The following CALB2 variants were observed in gnomAD, a reference collection of about 807,000 sequenced individuals.
The protein encoded by CALB2 is calbindin 2.
A neutral mutation model predicts 45.9 loss-of-function variants in CALB2; 34 were observed. The ratio of observed to expected loss-of-function variants is 0.74; its 90% confidence interval spans 0.56 to 0.99. The LOEUF is 0.99. Among genes scored for constraint, CALB2 ranks in the 50% least tolerant of loss-of-function variants. The pLI is 0.00. For missense variants in CALB2, 344 were observed against 339.3 expected (o/e 1.01, Z -0.11); for synonymous variants, 142 against 129.6 (o/e 1.10, Z -0.65).
chr16:71,367,153 C>T (rs1182578473), intron 1 of CALB2, among the ~76,000 whole-genome samples: 2 of 152,046 alleles, frequency 1.3e-5, no homozygotes, highest in East Asian at 1.9e-4. Flanking sequence ...AACTGAGGCA[C>T]GGTAGTGGTG....
intron 10 of CALB2, chr16:71,389,468 A>G: frequency 3.4e-6 from 2 of 580,130 alleles, no homozygotes; most frequent in Non-Finnish European, 6.5e-6. Flanking sequence ...CAACACCTCC[A>G]TGAGGCATGA....
chr16:71,375,389 T>TAATC (rs1282139187), intron 3 of CALB2, among the ~76,000 whole-genome samples: 5 of 152,116 alleles, frequency 3.3e-5, no homozygotes, highest in Admixed American at 6.5e-5. Context: ...ACACCTCTGG[T>TAATC]AATCAGTGAC....
chr16:71,379,575 T>C (rs1250108608), intron 4 of CALB2, among the ~76,000 whole-genome samples: 1 of 152,204 alleles, frequency 6.6e-6, no homozygotes, highest in Non-Finnish European at 1.5e-5. Flanking sequence ...ATTCAGCATA[T>C]GCATCCCTCA....
Position 71,377,703 on chromosome 16 carries a change from C to A in CALB2, c.298C>A (p.Leu100Met). ...CCTGCCAACCGAAGAGAACTTCCTT[C>A]TGTGCTTCAGGCAGCACGTGGGCTC... ...QILPTEENFL[L>M]CFRQHVGSSA... The change falls in exon 4 of 11, where the codon CTG becomes ATG. Residue 100 changes from leucine to methionine, a missense_variant. By Grantham distance (15) the Leu-to-Met change is conservative. Coordinates refer to ENST00000302628, the MANE Select transcript of CALB2 (RefSeq NM_001740.5). 6.2e-7 allele frequency: 1 copy of A among 1,614,116 alleles called. No individual in the cohort carries two copies. The highest frequency in any genetic ancestry group is 8.5e-7 in the Non-Finnish European group (1 of 1,179,964).
chr16:71,368,316 C>T (rs902226824), intron 1 of CALB2, among the ~76,000 whole-genome samples: 1 of 152,070 alleles, frequency 6.6e-6, no homozygotes, highest in African/African-American at 2.4e-5. Flanking sequence ...TAAAGACCAG[C>T]CTGGGCAACA....
intron 1 of CALB2, among the ~76,000 whole-genome samples, chr16:71,363,477 G>A (rs770623019): frequency 2.0e-5 from 3 of 152,226 alleles, no homozygotes; most frequent in Non-Finnish European, 4.4e-5. Flanking sequence ...CTCGCCCTCT[G>A]AAACCCAGTG....
intron 10 of CALB2, among the ~76,000 whole-genome samples, chr16:71,386,441 G>A (rs1453737791): frequency 6.6e-6 from 1 of 152,216 alleles, no homozygotes; most frequent in African/African-American, 2.4e-5. Context: ...AGAATCGGGA[G>A]CTGGGGGAGG....
chr16:71,384,428 G>C (rs760854221), intron 8 of CALB2, 50 bp downstream of exon 8: 1 of 1,484,564 alleles, frequency 6.7e-7, no homozygotes, highest in Non-Finnish European at 9.3e-7. Context: ...CTCTGAGCCT[G>C]GCCCTGCACC....
chr16:71,382,801 G>A (rs764832101), intron 5 of CALB2, 26 bp downstream of exon 5: 1 of 1,596,370 alleles, frequency 6.3e-7, no homozygotes. Flanking sequence ...GGGAGGGTGT[G>A]AGGCCAGAGT....
intron 10 of CALB2, among the ~76,000 whole-genome samples, chr16:71,386,016 C>T (rs1320618040): frequency 6.6e-6 from 1 of 152,182 alleles, no homozygotes. Context: ...ATTCCCCTGT[C>T]CCCCATCTCC....
intron 1 of CALB2, among the ~76,000 whole-genome samples, chr16:71,367,339 G>A (rs190998237): frequency 6.6e-6 from 1 of 152,238 alleles, no homozygotes; most frequent in Admixed American, 6.5e-5. Flanking sequence ...AGCCTTGCTT[G>A]GTGACCAGTC....
chr16:71,371,039 G>A (rs1196479431), intron 1 of CALB2, among the ~76,000 whole-genome samples: 1 of 152,182 alleles, frequency 6.6e-6, no homozygotes, highest in Non-Finnish European at 1.5e-5. Context: ...TCTGGTAATG[G>A]AACTCAGTAA....
At chr16:71,383,881 G>A (rs908710475) in intron 6 of CALB2, 89 bp from the exon 7 acceptor site, 17 of 1,462,004 alleles carry the variant, frequency 1.2e-5, no homozygotes, top group Admixed American at 8.4e-5. Flanking sequence ...CGTGTCACCC[G>A]TCCTCCTTCC....
chr16:71,367,404 A>C (rs2042300123), intron 1 of CALB2, among the ~76,000 whole-genome samples: 1 of 152,120 alleles, frequency 6.6e-6, no homozygotes, highest in Non-Finnish European at 1.5e-5. Flanking sequence ...CTCAGTGCCG[A>C]TGTCATCCTA....
At chr16:71,382,877 G>A (rs1398340664) in intron 5 of CALB2, 102 bp downstream of exon 5, 28 of 1,037,254 alleles carry the variant, frequency 2.7e-5, no homozygotes, top group Non-Finnish European at 2.9e-5. Context: ...TTTGCGGGCT[G>A]CTTAGGAATA....
Position 71,389,730 on chromosome 16 carries a change from C to G in CALB2, c.700-19C>G, listed in dbSNP as rs773826329. 2 of 1,591,110 alleles carry G rather than the reference C, an allele frequency of 1.3e-6. No homozygotes were observed. The highest frequency in any genetic ancestry group is 3.3e-5 in the Admixed American group (2 of 59,998). The stretch of plus-strand genomic sequence containing the variant: ...ACCATCCCCTGAACCTGCTCTTACC[C>G]TCTCCCTGTATTTCCTAGGAAATGA... On this transcript the variant is annotated intron_variant, in intron 10 of 10. Coordinates refer to ENST00000302628, the MANE Select transcript of CALB2 (RefSeq NM_001740.5).
intron 3 of CALB2, among the ~76,000 whole-genome samples, chr16:71,377,447 T>TG (rs904170106): frequency 5.3e-5 from 8 of 152,176 alleles, no homozygotes; most frequent in African/African-American, 1.9e-4. Context: ...CCCCTCCAAT[T>TG]GCTCATCCCT....
At position 71,380,401 on chromosome 16, in the gene CALB2, C is replaced by T. The variant is rs571333340; in HGVS notation, c.343-2318C>T. Reference sequence around the variant, plus strand: ...TCAGCTCACTACAACCTCCGCCTCCCGGGTTCAAGCGATTCTCCTGCCTCA... The same window carrying T: ...TCAGCTCACTACAACCTCCGCCTCCTGGGTTCAAGCGATTCTCCTGCCTCA... On this transcript the variant is annotated intron_variant, in intron 4 of 10. Coordinates refer to ENST00000302628, the MANE Select transcript of CALB2 (RefSeq NM_001740.5). Among the ~76,000 whole-genome samples the T allele has an allele frequency of 1.1e-4, 16 of 141,824 alleles. No individual in the cohort carries two copies. In the South Asian group the frequency reaches 2.4e-3, roughly 21 times the overall value. The allele number at this position is 141,824 out of a possible 152,430, so 93.0% of individuals were successfully genotyped here.
At chr16:71,387,894 T>A (rs1484061221) in intron 10 of CALB2, among the ~76,000 whole-genome samples, 1 of 152,100 alleles carries the variant, frequency 6.6e-6, no homozygotes, top group Non-Finnish European at 1.5e-5. Flanking sequence ...TGGGTTTTCA[T>A]GGCACCAAAC....
Sources: gnomAD v4.1 joint callset for allele counts (sites outside exome capture counted in the v4.1 genomes callset) on GRCh38, gnomAD v4.1.1 for gene constraint, MANE v1.5 for transcripts, NCBI Gene and HGNC (gene_info 2026-07-23, HGNC 2026-07-21) for gene names.